PTP4A1: variants seen among roughly 807,000 people sequenced by gnomAD.
PTP4A1 encodes protein tyrosine phosphatase type IVA 1.
PTP4A1 carries 9 observed loss-of-function variants against 20.5 expected under a neutral mutation model. That is an observed-to-expected ratio of 0.44 (90% CI 0.26 to 0.77). PTP4A1 has a LOEUF of 0.77. Ranked by LOEUF, PTP4A1 falls within the 30% of genes least tolerant of loss-of-function variation. PTP4A1 has a pLI of 0.19. For missense variants in PTP4A1, 137 were observed against 218.8 expected, an observed-to-expected ratio of 0.63 and a Z score of 2.36; for synonymous variants, 78 against 67.4, an observed-to-expected ratio of 1.16 and a Z score of -0.77.
intron 2 of PTP4A1, among the ~76,000 whole-genome samples, chr6:63,547,911 T>G (rs764952194): frequency 1.3e-5 from 2 of 152,212 alleles, no homozygotes; most frequent in Non-Finnish European, 2.9e-5. Flanking sequence ...ACAAATTTGA[T>G]TTAAGGCTTT....
At position 63,581,601 on chromosome 6, in the gene PTP4A1, G is replaced by C. The variant is rs1430187352; in HGVS notation, c.*1427G>C. 1.3e-5 allele frequency: 2 copies of C among 152,082 alleles called. No individual in the cohort carries two copies. The highest frequency in any genetic ancestry group is 2.9e-5 in the Non-Finnish European group (2 of 67,982). The allele number at this position is 152,082 out of a possible 1,614,324, so 9.4% of individuals were successfully genotyped here. On this transcript the variant is annotated 3_prime_UTR_variant, in exon 6 of 6. Coordinates refer to ENST00000626021, the MANE Select transcript of PTP4A1 (RefSeq NM_003463.5). The stretch of plus-strand genomic sequence containing the variant: ...TTTAGTAAACTTTTAGACAAAATTT[G>C]TTAGGGTCATTCATGAAAACTTTAA...
chr6:63,523,828 T>C (rs1005636922), intron 1 of PTP4A1, among the ~76,000 whole-genome samples: 9 of 152,146 alleles, frequency 5.9e-5, no homozygotes, highest in African/African-American at 1.2e-4. Context: ...AGCCAAAAGA[T>C]TGGACACCCC....
chr6:63,525,345 A>G lies in PTP4A1; in HGVS notation c.-905-2474A>G, dbSNP rs553240469. Among the ~76,000 whole-genome samples, 145 of 152,250 alleles carry G rather than the reference A, an allele frequency of 9.5e-4. 2 individuals are homozygous for G. In the South Asian group the frequency reaches 0.029, roughly 30 times the overall value. ...TTTTTGCCACCTGGCTTCCGGTTAG[A>G]TTCTGCCAATGGGGGAGCTAGAGAG... On this transcript the variant is annotated intron_variant, in intron 1 of 3. Transcript: ENST00000639568.
Position 63,576,981 on chromosome 6 carries a change from T to G in PTP4A1, c.101T>G (p.Ile34Arg). The G allele has an allele frequency of 6.2e-7, 1 of 1,606,050 alleles. No homozygotes were observed. The highest frequency in any genetic ancestry group is 8.5e-7 in the Non-Finnish European group (1 of 1,172,794). ...ACCAATGCGACCTTAAACAAATTTA[T>G]AGAGGTAAGATTTGATATGTTTTAG... ...NPTNATLNKF[I>R]EELKKYGVTT... Residue 34 changes from isoleucine (I) to arginine (R), a missense_variant, in exon 2 of 6, where the codon ATA (isoleucine) becomes AGA (arginine). Transcript: ENST00000626021.
At chr6:63,579,720 A>C (rs552434775) in intron 5 of PTP4A1, among the ~76,000 whole-genome samples, 1 of 152,318 alleles carries the variant, frequency 6.6e-6, no homozygotes, top group East Asian at 1.9e-4. Context: ...GCTGTAGAAC[A>C]TGCCTTTGTG....
At chr6:63,527,396 G>A (rs1056603940) in intron 1 of PTP4A1, among the ~76,000 whole-genome samples, 2 of 152,078 alleles carry the variant, frequency 1.3e-5, no homozygotes, top group African/African-American at 2.4e-5. Flanking sequence ...AATAAGTGCC[G>A]AGTGAATAAG....
At chr6:63,559,792 T>C (rs907887275) in intron 3 of PTP4A1, among the ~76,000 whole-genome samples, 1 of 151,952 alleles carries the variant, frequency 6.6e-6, no homozygotes, top group Non-Finnish European at 1.5e-5. Flanking sequence ...TGGTCGTTCA[T>C]GCATATAATA....
At chr6:63,549,241 G>A in intron 2 of PTP4A1, 1 of 739,712 alleles carries the variant, frequency 1.4e-6, no homozygotes, top group Non-Finnish European at 2.5e-6. Flanking sequence ...GCAGCTGTTT[G>A]GTGGTCCAGG....
intron 2 of PTP4A1, among the ~76,000 whole-genome samples, chr6:63,538,456 A>G (rs1488111751): frequency 1.3e-5 from 2 of 152,224 alleles, no homozygotes; most frequent in African/African-American, 4.8e-5. Flanking sequence ...CATAATAAAA[A>G]TTAGATTAGT....
intron 3 of PTP4A1, among the ~76,000 whole-genome samples, chr6:63,561,955 A>G (rs1319861226): frequency 6.6e-6 from 1 of 152,156 alleles, no homozygotes; most frequent in Non-Finnish European, 1.5e-5. Flanking sequence ...CTCTTTGAGC[A>G]TTTATCTGAA....
intron 5 of PTP4A1, 61 bp from the exon 6 acceptor site, chr6:63,579,994 GAC>G (rs1447834102): frequency 8.3e-6 from 10 of 1,201,352 alleles, no homozygotes; most frequent in Middle Eastern, 1.9e-4. Context: ...TTGTCTATAA[GAC>G]ACTAAATATT....
intron 2 of PTP4A1, chr6:63,549,240 T>C (rs1452154088): frequency 6.8e-6 from 5 of 739,862 alleles, no homozygotes; most frequent in Non-Finnish European, 1.2e-5. Flanking sequence ...AGCAGCTGTT[T>C]GGTGGTCCAG....
intron 2 of PTP4A1, among the ~76,000 whole-genome samples, chr6:63,532,412 C>T (rs1401697641): frequency 6.6e-6 from 1 of 152,144 alleles, no homozygotes; most frequent in East Asian, 1.9e-4. Context: ...CTACCAGTAC[C>T]AGCCACAGGA....
chr6:63,530,590 C>A (rs1055152771), intron 2 of PTP4A1, among the ~76,000 whole-genome samples: 1 of 151,978 alleles, frequency 6.6e-6, no homozygotes, highest in African/African-American at 2.4e-5. Context: ...AACATGGAGG[C>A]CCTTCTGTGC....
upstream of PTP4A1, among the ~76,000 whole-genome samples, chr6:63,521,067 A>G (rs770264774): frequency 6.6e-6 from 1 of 151,970 alleles, no homozygotes; most frequent in Non-Finnish European, 1.5e-5. Context: ...TGAACATCAT[A>G]TACTGGGGCC....
upstream of PTP4A1, among the ~76,000 whole-genome samples, chr6:63,520,890 A>G (rs1200465653): frequency 2.6e-5 from 4 of 152,182 alleles, no homozygotes; most frequent in Admixed American, 2.6e-4. Flanking sequence ...ACACCATGGA[A>G]TACTATGCAG....
Position 63,526,860 on chromosome 6 carries a change from G to T in PTP4A1, c.-905-959G>T, listed in dbSNP as rs978540270. Among the ~76,000 whole-genome samples the T allele has an allele frequency of 2.9e-4, 39 of 136,714 alleles. 1 individual carries two copies. Among genetic ancestry groups the T allele is most frequent in the African/African-American group, 1.2e-3 (39 of 33,902 alleles). 89.7% of individuals were successfully genotyped at this position (136,714 alleles called of 152,430 possible). A position where few individuals can be genotyped will look rare whatever the true frequency, so the allele number is the denominator to read the frequency against. On this transcript the variant is annotated intron_variant, in intron 1 of 3. Transcript: ENST00000639568. ...ATTTATTTATTTATTCTTCTTAAGG[G>T]CTTCCATAGGATGCATTACTTGCAC...
In PTP4A1 at chr6:63,582,988, T is replaced by G. The variant is rs1206478499; in HGVS notation, c.*2814T>G. 3.3e-5 allele frequency: 5 copies of G among 152,176 alleles called. No individual in the cohort carries two copies. Among genetic ancestry groups the G allele is most frequent in the African/African-American group, 4.8e-5 (2 of 41,424 alleles). 9.4% of individuals were successfully genotyped at this position (152,176 alleles called of 1,614,324 possible). On this transcript the variant is annotated 3_prime_UTR_variant, in exon 6 of 6. Coordinates refer to ENST00000626021, the MANE Select transcript of PTP4A1 (RefSeq NM_003463.5). ...AGAATCTCAATCTCTTGAAATTTAT[T>G]TTTTTAATGTCATATTCATCTGGTA...
chr6:63,527,234 A>G (rs1775228011), intron 1 of PTP4A1, among the ~76,000 whole-genome samples: 1 of 152,172 alleles, frequency 6.6e-6, no homozygotes, highest in Non-Finnish European at 1.5e-5. Context: ...TTATGTGCAC[A>G]TTTTAAACAG....
Sources: allele counts gnomAD v4.1 joint callset (sites outside exome capture counted in the v4.1 genomes callset), GRCh38; gene constraint gnomAD v4.1.1; transcripts MANE v1.5; gene names NCBI Gene and HGNC (gene_info 2026-07-23, HGNC 2026-07-21).